Variants in BAHCC1 observed in about 807,000 individuals in gnomAD.
BAHCC1 encodes the protein BAH and coiled-coil domain-containing protein 1.
A neutral mutation model predicts 88.2 loss-of-function variants in BAHCC1; 43 were observed. That is an observed-to-expected ratio of 0.49 (90% CI 0.38 to 0.63). BAHCC1 has a LOEUF of 0.63. BAHCC1 is among the 20% of genes least tolerant of loss of function. The pLI, the probability that BAHCC1 is intolerant of heterozygous loss-of-function variation, is 0.00. For missense variants in BAHCC1, 3,023 were observed against 1,654.8 expected, an observed-to-expected ratio of 1.83 and a Z score of -14.34; for synonymous variants, 1,510 against 745.5, an observed-to-expected ratio of 2.03 and a Z score of -16.71.
In BAHCC1 at chr17:81,465,371, A is replaced by C. The variant is rs1215054891; in HGVS notation, c.*1554A>C. ...AATCCTGGCCCCAGGTGCAAGCAGC[A>C]CCCCTCGAGGGCTCTGCCCCAGTAT... is the stretch of plus-strand genomic sequence containing the variant. On this transcript the variant is annotated 3_prime_UTR_variant, in exon 28 of 28. Coordinates refer to ENST00000675386, the MANE Select transcript of BAHCC1 (RefSeq NM_001377448.1). 8 of 151,806 alleles carry C rather than the reference A, an allele frequency of 5.3e-5. No homozygotes were observed. Among genetic ancestry groups the C allele is most frequent in the African/African-American group, 1.9e-4 (8 of 41,242 alleles). The allele number at this position is 151,806 out of a possible 1,614,324, so 9.4% of individuals were successfully genotyped here. A position where few individuals can be genotyped will look rare whatever the true frequency, so the allele number is the denominator to read the frequency against.
Position 81,425,162 on chromosome 17 carries a change from T to TTGTGGTTGGTGGTGATAGTGGTGGGTGA in BAHCC1, c.179-1626_179-1599dup, listed in dbSNP as rs2064165222. ...ATGTGGTTGGGGGTGATGGTGGGTG[T>TTGTGGTTGGTGGTGATAGTGGTGGGTGA]TGTGGTTGGTGGTGATAGTGGTGGG... On this transcript the variant is annotated intron_variant, in intron 2 of 27. Transcript: ENST00000675386. 3.6e-3 allele frequency among the ~76,000 whole-genome samples: 55 copies of TTGTGGTTGGTGGTGATAGTGGTGGGTGA among 15,156 alleles called. 2 individuals carry two copies. The highest frequency in any genetic ancestry group is 0.018 in the African/African-American group (50 of 2,744). The allele number at this position is 15,156 out of a possible 152,430, so 9.9% of individuals were successfully genotyped here. A position where few individuals can be genotyped will look rare whatever the true frequency, so the allele number is the denominator to read the frequency against.
intron 26 of BAHCC1, 78 bp downstream of exon 26, chr17:81,462,124 C>G (rs929009549): frequency 2.0e-5 from 13 of 643,056 alleles, no homozygotes; most frequent in Non-Finnish European, 3.4e-5. Flanking sequence ...TGCTGCCCTT[C>G]CCTCTCCTTT....
chr17:81,440,705 G>A (rs1175952778), intron 4 of BAHCC1, among the ~76,000 whole-genome samples: 1 of 152,126 alleles, frequency 6.6e-6, no homozygotes, highest in Non-Finnish European at 1.5e-5. Flanking sequence ...GGAAGGGAGG[G>A]CCCAGACCGA....
chr17:81,400,027 C>T (rs916803047), intron 2 of BAHCC1, 110 bp downstream of exon 2: 90 of 982,970 alleles, frequency 9.2e-5, no homozygotes, highest in Non-Finnish European at 1.1e-4. Context: ...TTCCCGGCCC[C>T]GGCCGCGGTG....
rs545878194 is a variant in BAHCC1, at chr17:81,411,315, C to G, written c.178+11398C>G. Among the ~76,000 whole-genome samples, 4 of 152,012 alleles carry G rather than the reference C, an allele frequency of 2.6e-5. No individual in the cohort carries two copies. The highest frequency in any genetic ancestry group is 5.9e-5 in the Non-Finnish European group (4 of 67,926). The stretch of plus-strand genomic sequence containing the variant: ...GACAGGCAGCAGGAGCTGGACGTGC[C>G]GTCAGCCCAGGCCCCTGAGAGTGAG... On this transcript the variant is annotated intron_variant, in intron 2 of 27. Coordinates refer to ENST00000675386, the MANE Select transcript of BAHCC1 (RefSeq NM_001377448.1). This position sits in a 1 kb window ranked among gnomAD's most constrained non-coding sequence, Gnocchi z 6.2.
chr17:81,399,342 C>A lies in BAHCC1; in HGVS notation c.-206-192C>A, dbSNP rs12453352. On this transcript the variant is annotated intron_variant, in intron 1 of 27. Coordinates refer to ENST00000675386, the MANE Select transcript of BAHCC1 (RefSeq NM_001377448.1). This position sits in a 1 kb window ranked among gnomAD's most constrained non-coding sequence, Gnocchi z 4.5. ...GGACGGTGCGTGCGCGCGCGGGGCC[C>A]CGGGTGCTGGGCTGCGCGCGCGTGC... is the stretch of plus-strand genomic sequence containing the variant. 2,706 of 181,320 alleles carry A rather than the reference C, an allele frequency of 0.015. 226 individuals are homozygous for A. In the East Asian group the frequency reaches 0.25, roughly 16 times the overall value. 11.2% of individuals were successfully genotyped at this position (181,320 alleles called of 1,614,324 possible). A position where few individuals can be genotyped will look rare whatever the true frequency, so the allele number is the denominator to read the frequency against.
At position 81,460,280 on chromosome 17, in the gene BAHCC1, C is replaced by T. The variant is rs985003509; in HGVS notation, c.5909C>T (p.Ala1970Val). The T allele has an allele frequency of 2.6e-6, 2 of 768,758 alleles. No homozygotes were observed. The highest frequency in any genetic ancestry group is 1.4e-5 in the South Asian group (1 of 72,320). The allele number at this position is 768,758 out of a possible 1,614,324, so 47.6% of individuals were successfully genotyped here. The change falls in exon 24 of 28, where the codon GCC (alanine) becomes GTC (valine). Residue 1970 changes from alanine (A) to valine (V), a missense_variant. Physicochemically the swap from Ala to Val is moderately conservative, Grantham distance 64. Coordinates refer to ENST00000675386, the MANE Select transcript of BAHCC1 (RefSeq NM_001377448.1). ...AGCTCAGGTGTGCCGTCCACAGGGG[C>T]CTCCGGTGACGAAGATGAGGACCTG... ...CLYPGNVVRGASGDEDEDLDS... is the reference protein window; with the variant it reads ...CLYPGNVVRGVSGDEDEDLDS...
chr17:81,438,346 C>T (rs782670148), intron 3 of BAHCC1, 24 bp from the exon 4 acceptor site: 6 of 777,836 alleles, frequency 7.7e-6, no homozygotes, highest in South Asian at 2.7e-5. Context: ...GTTGCCTCTG[C>T]AACTGGGTCT....
chr17:81,397,902 T>A (rs1219226117), intron 1 of BAHCC1, among the ~76,000 whole-genome samples: 2 of 152,242 alleles, frequency 1.3e-5, no homozygotes, highest in Non-Finnish European at 2.9e-5. Flanking sequence ...TAAAAAAGCT[T>A]ATCAGCTGAG....
intron 1 of BAHCC1, chr17:81,396,687 A>G (rs1400980643): frequency 6.6e-6 from 1 of 152,198 alleles, no homozygotes; most frequent in Non-Finnish European, 1.5e-5. Flanking sequence ...CAGGAAACAA[A>G]GCAAACTTGT....
chr17:81,447,950 G>T, intron 11 of BAHCC1, 102 bp downstream of exon 11: 1 of 671,904 alleles, frequency 1.5e-6, no homozygotes, highest in East Asian at 2.7e-5. Flanking sequence ...GCCCCGCTCA[G>T]TTGTCCCCAA....
At chr17:81,449,976 C>T (rs2064604045) in intron 11 of BAHCC1, among the ~76,000 whole-genome samples, 1 of 152,112 alleles carries the variant, frequency 6.6e-6, no homozygotes, top group South Asian at 2.1e-4. Flanking sequence ...AGGTGCGTGC[C>T]CCAGCTGTCA....
intron 1 of BAHCC1, among the ~76,000 whole-genome samples, chr17:81,397,772 A>G (rs1239209073): frequency 2.6e-5 from 4 of 152,182 alleles, no homozygotes; most frequent in African/African-American, 9.6e-5. Context: ...ACCCGGGGAG[A>G]GAGCTGGCGA....
chr17:81,437,150 G>A (rs2143478297), intron 3 of BAHCC1, among the ~76,000 whole-genome samples: 1 of 152,210 alleles, frequency 6.6e-6, no homozygotes. Context: ...GAGGGTGAGG[G>A]CCCCCCGCCC....
chr17:81,452,384 C>T (rs1290199826), intron 13 of BAHCC1, among the ~76,000 whole-genome samples: 3 of 121,520 alleles, frequency 2.5e-5, no homozygotes, highest in Admixed American at 1.8e-4. Context: ...CGCAGGGTGG[C>T]GGGTGAGGGG....
chr17:81,448,560 TC>T (rs1333092408), intron 11 of BAHCC1, among the ~76,000 whole-genome samples: 1 of 152,052 alleles, frequency 6.6e-6, no homozygotes, highest in East Asian at 1.9e-4. Context: ...GTGGAGGGCG[TC>T]CCCCAGCCGG....
At chr17:81,405,703 C>G (rs977035867) in intron 2 of BAHCC1, among the ~76,000 whole-genome samples, 4 of 152,196 alleles carry the variant, frequency 2.6e-5, no homozygotes, top group African/African-American at 4.8e-5. Context: ...ATCGTGCCCC[C>G]CTGCCCTTCC....
In BAHCC1 at chr17:81,461,897, T is replaced by G. The variant is rs376094215; in HGVS notation, c.7234T>G (p.Ser2412Ala). The G allele has an allele frequency of 1.6e-5, 12 of 737,112 alleles. No individual in the cohort carries two copies. The African/African-American group carries it at 2.1e-4, about 13-fold the overall frequency. The allele number at this position is 737,112 out of a possible 1,614,324, so 45.7% of individuals were successfully genotyped here. The change falls in exon 26 of 28, where the codon TCC becomes GCC. Residue 2412 changes from serine to alanine, a missense_variant. Physicochemically the swap from Ser to Ala is moderately conservative, Grantham distance 99. Coordinates refer to ENST00000675386, the MANE Select transcript of BAHCC1 (RefSeq NM_001377448.1). ...AGSGPSSSSK[S>A]KLKRKEALSF... ...CTCAGGCCCCAGCAGCAGCAGCAAATCCAAGCTCAAGCGCAAAGAGGCCCT... is the reference window on the plus strand; with the variant it reads ...CTCAGGCCCCAGCAGCAGCAGCAAAGCCAAGCTCAAGCGCAAAGAGGCCCT...
intron 14 of BAHCC1, 105 bp downstream of exon 14, chr17:81,452,956 C>T (rs1555656280): frequency 2.3e-5 from 14 of 606,990 alleles, no homozygotes; most frequent in Non-Finnish European, 3.5e-5. Flanking sequence ...GCTGCTGGTG[C>T]CCCTTCACAC....
Sources: gnomAD v4.1 joint callset for allele counts (sites outside exome capture counted in the v4.1 genomes callset) on GRCh38, gnomAD v4.1.1 for gene constraint, Gnocchi (gnomAD v3.1) non-coding constraint, MANE v1.5 for transcripts, NCBI Gene and HGNC (gene_info 2026-07-23, HGNC 2026-07-21) for gene names.